CACNA1B: variants seen among roughly 807,000 people sequenced by gnomAD.
CACNA1B encodes voltage-dependent N-type calcium channel subunit alpha-1B.
A neutral mutation model predicts 247.2 loss-of-function variants in CACNA1B; 70 were observed. The ratio of observed to expected loss-of-function variants is 0.28; its 90% CI spans 0.23 to 0.35. CACNA1B has a LOEUF of 0.35. Among genes scored for constraint, CACNA1B ranks in the 10% least tolerant of loss-of-function variants. The pLI is 1.00. For synonymous variants in CACNA1B, 1,231 were observed against 1,294.4 expected, an observed-to-expected ratio of 0.95 and a Z score of 1.05; for missense variants, 2,367 against 3,197.4, an observed-to-expected ratio of 0.74 and a Z score of 6.26.
intron 3 of CACNA1B, among the ~76,000 whole-genome samples, chr9:137,903,435 G>A (rs141847557): frequency 9.2e-5 from 14 of 152,108 alleles, no homozygotes; most frequent in Non-Finnish European, 1.5e-4. Flanking sequence ...GCTCTGCTTC[G>A]ACTCATACGC....
At chr9:138,112,708 T>C (rs1422003764) in intron 40 of CACNA1B, among the ~76,000 whole-genome samples, 1 of 152,198 alleles carries the variant, frequency 6.6e-6, no homozygotes, top group Non-Finnish European at 1.5e-5. Context: ...GTGGGTTTGT[T>C]GTGTTGAGCT....
At chr9:138,088,457 G>A (rs1960773651) in intron 36 of CACNA1B, among the ~76,000 whole-genome samples, 2 of 151,890 alleles carry the variant, frequency 1.3e-5, no homozygotes, top group Admixed American at 6.6e-5. Context: ...TAATTCAGAA[G>A]TAAAAAAGGA....
intron 39 of CACNA1B, among the ~76,000 whole-genome samples, chr9:138,106,754 C>G (rs1336631753): frequency 1.3e-5 from 2 of 152,200 alleles, no homozygotes; most frequent in Admixed American, 6.5e-5. Flanking sequence ...CAGAGCAAGA[C>G]TCCGTCTCGA....
At chr9:138,091,509 G>T (rs142193948) in intron 36 of CACNA1B, among the ~76,000 whole-genome samples, 3 of 152,228 alleles carry the variant, frequency 2.0e-5, no homozygotes, top group African/African-American at 7.2e-5. Flanking sequence ...ACAGTTTGTT[G>T]AATATTTTCA....
rs1440419959 is a variant in CACNA1B at position 137,884,963 on chromosome 9, C to CCT, written c.530+2081_530+2082insTC. ...TCTCCCTCCTCTCCCCTCTTCCCCC[C>CCT]CCCCCTCCTCCCACTTTGCCTGTCT... On this transcript the variant is annotated intron_variant, in intron 3 of 46. Coordinates refer to ENST00000371372, the MANE Select transcript of CACNA1B (RefSeq NM_000718.4). 5.5e-4 allele frequency among the ~76,000 whole-genome samples: 59 copies of CCT among 107,096 alleles called. 1 individual carries two copies. In the South Asian group the frequency reaches 0.013, roughly 24 times the overall value. 70.3% of individuals were successfully genotyped at this position (107,096 alleles called of 152,430 possible).
rs577120204 is a variant in CACNA1B at position 138,095,537 on chromosome 9, C to A, written c.5095-947C>A. Among the ~76,000 whole-genome samples the A allele has an allele frequency of 3.0e-4, 45 of 152,202 alleles. No individual in the cohort carries two copies. The South Asian group carries it at 8.7e-3, about 29-fold the overall frequency. On this transcript the variant is annotated intron_variant, in intron 36 of 46. Transcript: ENST00000371372. The stretch of plus-strand genomic sequence containing the variant: ...CCAGTAGGAATGTAAAATGCACCAG[C>A]TGCTATGGAAGAAGTTTGGCAGTTC...
chr9:138,077,974 G>A (rs759814955), intron 35 of CACNA1B, 140 bp from the exon 36 acceptor site: 7 of 636,770 alleles, frequency 1.1e-5, no homozygotes, highest in Non-Finnish European at 1.9e-5. Context: ...TGAAGAAACA[G>A]CATCTGTGAC....
At chr9:137,968,307 G>T (rs1055552383) in intron 10 of CACNA1B, among the ~76,000 whole-genome samples, 1 of 152,200 alleles carries the variant, frequency 6.6e-6, no homozygotes, top group Admixed American at 6.5e-5. Flanking sequence ...AGGACTGGCT[G>T]TGTCACCACC....
chr9:137,895,916 G>A (rs1957166500), intron 3 of CACNA1B, among the ~76,000 whole-genome samples: 1 of 152,162 alleles, frequency 6.6e-6, no homozygotes, highest in African/African-American at 2.4e-5. Context: ...CAAATTTCAG[G>A]AGGAAAACAT....
chr9:138,096,955 C>A (rs1033358558), intron 37 of CACNA1B, among the ~76,000 whole-genome samples: 1 of 151,634 alleles, frequency 6.6e-6, no homozygotes, highest in Admixed American at 6.6e-5. Context: ...TGTCTTCTTT[C>A]AAGGCCTGTC....
intron 31 of CACNA1B, among the ~76,000 whole-genome samples, chr9:138,060,670 C>T (rs975291324): frequency 6.6e-6 from 1 of 152,236 alleles, no homozygotes; most frequent in African/African-American, 2.4e-5. Context: ...TGCACCCAAG[C>T]TGTTAGGGCT....
At chr9:138,094,181 C>T (rs565779258) in intron 36 of CACNA1B, among the ~76,000 whole-genome samples, 3 of 152,136 alleles carry the variant, frequency 2.0e-5, no homozygotes, top group African/African-American at 4.8e-5. Flanking sequence ...AAAGGACAGA[C>T]ACTGTATGAT....
chr9:137,995,536 A>G (rs1589055248), intron 15 of CACNA1B, among the ~76,000 whole-genome samples: 1 of 152,240 alleles, frequency 6.6e-6, no homozygotes, highest in East Asian at 1.9e-4. Flanking sequence ...AATCAACTCA[A>G]GATGGTCAAA....
intron 36 of CACNA1B, among the ~76,000 whole-genome samples, chr9:138,091,490 T>C (rs1178247523): frequency 6.6e-6 from 1 of 152,184 alleles, no homozygotes; most frequent in Non-Finnish European, 1.5e-5. Context: ...AGGGTGACTA[T>C]AATTAACAAC....
chr9:138,035,889 G>A (rs1285725083), intron 20 of CACNA1B, among the ~76,000 whole-genome samples: 2 of 152,156 alleles, frequency 1.3e-5, no homozygotes, highest in Non-Finnish European at 2.9e-5. Flanking sequence ...GTTATATATT[G>A]AAAGTTTAAA....
At chr9:137,932,760 G>A (rs1168923333) in intron 6 of CACNA1B, among the ~76,000 whole-genome samples, 1 of 152,122 alleles carries the variant, frequency 6.6e-6, no homozygotes, top group Non-Finnish European at 1.5e-5. Context: ...TACTTAGGCT[G>A]TCCATCCTTT....
intron 39 of CACNA1B, among the ~76,000 whole-genome samples, chr9:138,106,512 G>A (rs979330692): frequency 6.6e-6 from 1 of 152,254 alleles, no homozygotes; most frequent in African/African-American, 2.4e-5. Flanking sequence ...GCTCATGCCT[G>A]TAATCCCAGC....
chr9:137,946,486 C>T (rs1436743190), intron 6 of CACNA1B, among the ~76,000 whole-genome samples: 1 of 152,116 alleles, frequency 6.6e-6, no homozygotes, highest in Non-Finnish European at 1.5e-5. Context: ...TTCCCCCTTC[C>T]AGGCAGGGCA....
intron 23 of CACNA1B, among the ~76,000 whole-genome samples, chr9:138,048,069 G>A (rs568389720): frequency 6.6e-6 from 1 of 152,334 alleles, no homozygotes; most frequent in East Asian, 1.9e-4. Context: ...GTATGTGTGA[G>A]CCGGCATGCG....
Sources: allele counts gnomAD v4.1 joint callset (sites outside exome capture counted in the v4.1 genomes callset), GRCh38; gene constraint gnomAD v4.1.1; transcripts MANE v1.5; gene names NCBI Gene and HGNC (gene_info 2026-07-23, HGNC 2026-07-21).